ZFHX2: variants seen among roughly 807,000 people sequenced by gnomAD.
The protein encoded by ZFHX2 is zinc finger homeobox protein 2.
Under a neutral mutation model 164.8 loss-of-function variants are expected in ZFHX2, and 75 were observed. The observed-to-expected ratio is 0.46, with a 90% CI of 0.38 to 0.55. ZFHX2 has a LOEUF of 0.55. ZFHX2 is among the 20% of genes least tolerant of loss of function. The pLI is 0.00. For missense variants in ZFHX2, 2,933 were observed against 3,308.0 expected, an observed-to-expected ratio of 0.89 and a Z score of 2.78; for synonymous variants, 1,217 against 1,351.4, an observed-to-expected ratio of 0.90 and a Z score of 2.18.
At chr14:23,541,556 G>A (rs1365863868) in intron 1 of ZFHX2, among the ~76,000 whole-genome samples, 1 of 152,080 alleles carries the variant, frequency 6.6e-6, no homozygotes, top group Non-Finnish European at 1.5e-5. Flanking sequence ...CAAAGTGCTG[G>A]GATTACAGGC....
rs866246216 is a variant in ZFHX2, at chr14:23,520,942, T to C, written c.*1020A>G. 5.3e-5 allele frequency: 8 copies of C among 151,926 alleles called. No homozygotes were observed. Among genetic ancestry groups the C allele is most frequent in the Admixed American group, 1.3e-4 (2 of 15,270 alleles). 9.4% of individuals were successfully genotyped at this position (151,926 alleles called of 1,614,324 possible). On this transcript the variant is annotated 3_prime_UTR_variant, in exon 10 of 10. Coordinates refer to ENST00000419474, the MANE Select transcript of ZFHX2 (RefSeq NM_033400.3). The surrounding 1 kb of genome is among the most constrained non-coding windows in gnomAD (Gnocchi z 8.7). ...AGTTCATTCCTCTGGTGTCCGTTTC[T>C]CTCTTTTGTGCGCGTGTGCACGTAC...
chr14:23,532,851 G>A lies in ZFHX2; in HGVS notation c.2275C>T (p.Arg759Cys), dbSNP rs769665330. The A allele has an allele frequency of 2.1e-5, 32 of 1,536,212 alleles. No individual in the cohort carries two copies. Among genetic ancestry groups the A allele is most frequent in the African/African-American group, 2.7e-5 (2 of 73,048 alleles). The change falls in exon 3 of 10, where the codon CGC (arginine) becomes TGC (cysteine). Residue 759 changes from arginine (R) to cysteine (C), a missense_variant. By Grantham distance (180) the Arg-to-Cys change is radical. Transcript: ENST00000419474. ...GTGCCATAGCAGCAAAGCTTGCAGC[G>A]GTGGGTGTCACCAGCCACCTCCTTC... ...EWKEVAGDTH[R>C]CKLCCYGTQL...
intron 7 of ZFHX2, 57 bp downstream of exon 7, chr14:23,527,547 C>A: frequency 6.5e-7 from 1 of 1,530,524 alleles, no homozygotes; most frequent in Non-Finnish European, 8.8e-7. Flanking sequence ...TCTTCCTCCC[C>A]TCCTGCACAG....
In ZFHX2 at chr14:23,534,541, T is replaced by C. The variant is rs1566586671; in HGVS notation, c.785A>G (p.Lys262Arg). 1 of 1,536,144 alleles carries C rather than the reference T, an allele frequency of 6.5e-7. No individual in the cohort carries two copies. The highest frequency in any genetic ancestry group is 2.4e-5 in the East Asian group (1 of 40,910). ...FMDHTQSHGV[K>R]LTPAQYQGLS... ...GCCCTGATATTGGGCAGGGGTTAGC[T>C]TCACCCCATGAGACTGTGTGTGATC... Residue 262 changes from lysine (K) to arginine (R), a missense_variant, in exon 2 of 10, where the codon AAG becomes AGG. By Grantham distance (26) the Lys-to-Arg change is conservative. Transcript: ENST00000419474. This position sits in a 1 kb window ranked among gnomAD's most constrained non-coding sequence, Gnocchi z 4.5.
Position 23,534,359 on chromosome 14 carries a change from C to T in ZFHX2, c.967G>A (p.Asp323Asn), listed in dbSNP as rs1300217916. The T allele has an allele frequency of 2.0e-6, 3 of 1,536,730 alleles. No individual in the cohort carries two copies. Among genetic ancestry groups the T allele is most frequent in the Non-Finnish European group, 2.6e-6 (3 of 1,147,022 alleles). The change falls in exon 2 of 10, where the codon GAT becomes AAT. Residue 323 changes from aspartate to asparagine, a missense_variant. By Grantham distance (23) the Asp-to-Asn change is conservative. Transcript: ENST00000419474. This position sits in a 1 kb window ranked among gnomAD's most constrained non-coding sequence, Gnocchi z 4.5. ...NMEANVAQTEDGPPEAEVQAL... is the reference protein window; with the variant it reads ...NMEANVAQTENGPPEAEVQAL... ...TGGACTTCTGCCTCAGGGGGGCCATCCTCTGTCTGGGCCACATTCGCCTCC... is the reference window on the plus strand; with the variant it reads ...TGGACTTCTGCCTCAGGGGGGCCATTCTCTGTCTGGGCCACATTCGCCTCC...
rs1595139256 is a variant in ZFHX2, at chr14:23,525,566, T to G, written c.4376A>C (p.Lys1459Thr). The change falls in exon 9 of 10, where the codon AAG becomes ACG. Residue 1459 changes from lysine to threonine, a missense_variant. Coordinates refer to ENST00000419474, the MANE Select transcript of ZFHX2 (RefSeq NM_033400.3). The surrounding 1 kb of genome is among the most constrained non-coding windows in gnomAD (Gnocchi z 5.9). ...FELVIQYNEG[K>T]QAVPPPPTPP... Reference sequence around the variant, plus strand: ...GGTAGGGGGAGGGGGCACAGCTTGCTTCCCTTCATTGTACTGGATCACCAG... The same window carrying G: ...GGTAGGGGGAGGGGGCACAGCTTGCGTCCCTTCATTGTACTGGATCACCAG... 6.5e-7 allele frequency: 1 copy of G among 1,535,272 alleles called. No homozygotes were observed. The highest frequency in any genetic ancestry group is 8.7e-7 in the Non-Finnish European group (1 of 1,146,768).
At position 23,525,522 on chromosome 14, in the gene ZFHX2, G is replaced by A; in HGVS notation, c.4420C>T (p.Leu1474Phe). 6.5e-7 allele frequency: 1 copy of A among 1,535,730 alleles called. No individual in the cohort carries two copies. The highest frequency in any genetic ancestry group is 8.7e-7 in the Non-Finnish European group (1 of 1,146,900). The change falls in exon 9 of 10, where the codon CTC becomes TTC. Residue 1474 changes from leucine (L) to phenylalanine (F), a missense_variant. Transcript: ENST00000419474. This position sits in a 1 kb window ranked among gnomAD's most constrained non-coding sequence, Gnocchi z 5.9. ...PPPTPPPPEA[L>F]GGGDKLACGA... is the part of the protein sequence containing the mutation. ...CAGGCCAGCTTGTCCCCACCCCCGAGGGCCTCAGGTGGGGGTGGGGTAGGG... is the reference window on the plus strand; with the variant it reads ...CAGGCCAGCTTGTCCCCACCCCCGAAGGCCTCAGGTGGGGGTGGGGTAGGG...
Position 23,535,874 on chromosome 14 carries a change from G to C in ZFHX2, c.-49-500C>G, listed in dbSNP as rs1407882001. 6.6e-6 allele frequency among the ~76,000 whole-genome samples: 1 copy of C among 152,140 alleles called. No homozygotes were observed. The highest frequency in any genetic ancestry group is 1.5e-5 in the Non-Finnish European group (1 of 68,032). ...CCCAAAGTGCTAGGATTATAGGCGT[G>C]AGCCACCGCGCCCAGCCTAGAACTC... On this transcript the variant is annotated intron_variant, in intron 1 of 9. Coordinates refer to ENST00000419474, the MANE Select transcript of ZFHX2 (RefSeq NM_033400.3). The surrounding 1 kb of genome is among the most constrained non-coding windows in gnomAD (Gnocchi z 4.5).
chr14:23,543,088 C>A (rs1043276005), intron 1 of ZFHX2: 1 of 152,200 alleles, frequency 6.6e-6, no homozygotes, highest in Non-Finnish European at 1.5e-5. Flanking sequence ...ATTCTGTGAA[C>A]CTGTGTGATG....
chr14:23,548,446 T>A (rs1189638622), intron 1 of ZFHX2: 1 of 152,160 alleles, frequency 6.6e-6, no homozygotes, highest in Non-Finnish European at 1.5e-5. Context: ...CAGCAAGTGA[T>A]TCCTGTATGG....
chr14:23,530,099 G>GA, intron 5 of ZFHX2, 21 bp downstream of exon 5: 1 of 1,532,554 alleles, frequency 6.5e-7, no homozygotes, highest in Non-Finnish European at 8.7e-7. Flanking sequence ...GAGGACTGGG[G>GA]GGAAGGGAGG....
Position 23,523,628 on chromosome 14 carries a change from G to T in ZFHX2, c.6314C>A (p.Pro2105His), listed in dbSNP as rs775418210. The change falls in exon 9 of 10, where the codon CCC becomes CAC. Residue 2105 changes from proline to histidine, a missense_variant. Pro to His is a moderately conservative substitution (Grantham distance 77). Transcript: ENST00000419474. The surrounding 1 kb of genome is among the most constrained non-coding windows in gnomAD (Gnocchi z 4.1). Reference sequence around the variant, plus strand: ...GAACCAGACCTGGATGACTCTCTTGGGCAGCCCAATCTCCTCTCCCAGCAC... The same window carrying T: ...GAACCAGACCTGGATGACTCTCTTGTGCAGCCCAATCTCCTCTCCCAGCAC... Reference protein sequence around the residue: ...CEVLGEEIGLPKRVIQVWFQN... With the variant: ...CEVLGEEIGLHKRVIQVWFQN... 4.5e-6 allele frequency: 7 copies of T among 1,557,184 alleles called. No individual in the cohort carries two copies. In the East Asian group the frequency reaches 1.6e-4, roughly 36 times the overall value.
chr14:23,535,252 G>A lies in ZFHX2; in HGVS notation c.74C>T (p.Ser25Leu), dbSNP rs894384354. The A allele has an allele frequency of 2.1e-5, 32 of 1,512,050 alleles. No individual in the cohort carries two copies. The highest frequency in any genetic ancestry group is 2.6e-5 in the Non-Finnish European group (29 of 1,130,450). The allele number at this position is 1,512,050 out of a possible 1,614,324, so 93.7% of individuals were successfully genotyped here. A position where few individuals can be genotyped will look rare whatever the true frequency, so the allele number is the denominator to read the frequency against. The change falls in exon 2 of 10, where the codon TCG becomes TTG. Residue 25 changes from serine to leucine, a missense_variant. Ser to Leu is a moderately radical substitution (Grantham distance 145). Transcript: ENST00000419474. This position sits in a 1 kb window ranked among gnomAD's most constrained non-coding sequence, Gnocchi z 4.5. The stretch of plus-strand genomic sequence containing the variant: ...GGGGGTGCTGGAGGAGAAGGTGTCC[G>A]AAGGCAGGGACGGGGCATTGTGCCC... ...SPGHNAPSLPSDTFSSSTPSD... is the reference protein window; with the variant it reads ...SPGHNAPSLPLDTFSSSTPSD...
intron 7 of ZFHX2, 60 bp downstream of exon 7, chr14:23,527,543 TC>T: frequency 6.6e-7 from 1 of 1,524,996 alleles, no homozygotes; most frequent in Non-Finnish European, 8.8e-7. Flanking sequence ...TGCCTCTTCC[TC>T]CCCTCCTGCA....
In ZFHX2 at chr14:23,525,535, G is replaced by A. The variant is rs1878592589; in HGVS notation, c.4407C>T (p.Pro1469=). The change falls in exon 9 of 10, where the codon CCC becomes CCT. Residue 1469 remains proline (P), a synonymous_variant. Transcript: ENST00000419474. This position sits in a 1 kb window ranked among gnomAD's most constrained non-coding sequence, Gnocchi z 5.9. The stretch of plus-strand genomic sequence containing the variant: ...CCCCACCCCCGAGGGCCTCAGGTGG[G>A]GGTGGGGTAGGGGGAGGGGGCACAG... ...KQAVPPPPTP[P]PPEALGGGDK... The A allele has an allele frequency of 1.3e-5, 20 of 1,535,460 alleles. No homozygotes were observed. The highest frequency in any genetic ancestry group is 1.7e-5 in the Non-Finnish European group (20 of 1,146,914).
At position 23,523,553 on chromosome 14, in the gene ZFHX2, G is replaced by A. The variant is rs1878317983; in HGVS notation, c.6389C>T (p.Ala2130Val). 1.3e-6 allele frequency: 2 copies of A among 1,537,342 alleles called. No homozygotes were observed. The highest frequency in any genetic ancestry group is 1.4e-5 in the African/African-American group (1 of 73,120). ...CTCACTGCTGCCCCCAGTGCTCCCAGCGGCTGTCCCCTGTAGTTTGGCCTT... is the reference window on the plus strand; with the variant it reads ...CTCACTGCTGCCCCCAGTGCTCCCAACGGCTGTCCCCTGTAGTTTGGCCTT... The part of the protein sequence containing the change: ...EKKAKLQGTA[A>V]GSTGGSSEGL... Residue 2130 changes from alanine (A) to valine (V), a missense_variant, in exon 9 of 10, where the codon GCT becomes GTT. By Grantham distance (64) the Ala-to-Val change is moderately conservative (BLOSUM62 0). Transcript: ENST00000419474. This position sits in a 1 kb window ranked among gnomAD's most constrained non-coding sequence, Gnocchi z 4.1.
At position 23,524,388 on chromosome 14, in the gene ZFHX2, C is replaced by T; in HGVS notation, c.5554G>A (p.Gly1852Ser). Reference sequence around the variant, plus strand: ...AGGCGCTTGTCCCTGGGGGGCTCGCCCTCCCCTCCTCCCCCTGCTTCACTG... The same window carrying T: ...AGGCGCTTGTCCCTGGGGGGCTCGCTCTCCCCTCCTCCCCCTGCTTCACTG... Reference protein sequence around the residue: ...TGSEAGGGGEGEPPRDKRLRT... With the variant: ...TGSEAGGGGESEPPRDKRLRT... Residue 1852 changes from glycine to serine, a missense_variant, in exon 9 of 10, where the codon GGC becomes AGC. Coordinates refer to ENST00000419474, the MANE Select transcript of ZFHX2 (RefSeq NM_033400.3). This position sits in a 1 kb window ranked among gnomAD's most constrained non-coding sequence, Gnocchi z 5.6. 1.3e-6 allele frequency: 2 copies of T among 1,536,184 alleles called. No individual in the cohort carries two copies. Among genetic ancestry groups the T allele is most frequent in the Admixed American group, 2.0e-5 (1 of 51,006 alleles).
Position 23,534,278 on chromosome 14 carries a change from TG to T in ZFHX2, c.1047del (p.Thr350GlnfsTer16). The T allele has an allele frequency of 1.3e-6, 2 of 1,531,212 alleles. No individual in the cohort carries two copies. The highest frequency in any genetic ancestry group is 8.7e-7 in the Non-Finnish European group (1 of 1,143,376). The allele number at this position is 1,531,212 out of a possible 1,614,324, so 94.9% of individuals were successfully genotyped here. ...GTTGGGCTGGGGTCCCAGGTGGCTG[TG>T]GGTGGAGAGGGTGGGCTGAGGGCCA... ...EVMALSPPSP[P>X]TATWDPSPTQ... is the part of the protein sequence containing the mutation. On this transcript the variant is annotated frameshift_variant, in exon 2 of 10. Coordinates refer to ENST00000419474, the MANE Select transcript of ZFHX2 (RefSeq NM_033400.3). LOFTEE classifies it high-confidence loss of function. The surrounding 1 kb of genome is among the most constrained non-coding windows in gnomAD (Gnocchi z 4.5).
intron 5 of ZFHX2, 91 bp downstream of exon 5, chr14:23,530,029 G>T (rs977014708): frequency 2.4e-5 from 31 of 1,295,868 alleles, no homozygotes; most frequent in Non-Finnish European, 3.1e-5. Context: ...TGCTCCTTGA[G>T]CACAGACATT....
Sources: allele counts gnomAD v4.1 joint callset (sites outside exome capture counted in the v4.1 genomes callset), GRCh38; gene constraint gnomAD v4.1.1; non-coding constraint Gnocchi (gnomAD v3.1); transcripts MANE v1.5; gene names NCBI Gene and HGNC (gene_info 2026-07-23, HGNC 2026-07-21).